NELFCD: variants seen among roughly 807,000 people sequenced by gnomAD.
The protein encoded by NELFCD is negative elongation factor complex member C/D, also known as negative elongation factor C/D.
Under a neutral mutation model 72.9 loss-of-function variants are expected in NELFCD, and 48 were observed. The observed-to-expected ratio is 0.66, with a 90% CI of 0.52 to 0.84. The LOEUF (loss-of-function observed/expected upper bound fraction) is 0.84, where lower values mean the gene tolerates loss of function less well. Ranked by LOEUF, NELFCD falls within the 40% of genes least tolerant of loss-of-function variation. The pLI is 0.00. For missense variants in NELFCD, 538 were observed against 723.8 expected (o/e 0.74, Z 2.94); for synonymous variants, 297 against 280.6 (o/e 1.06, Z -0.59).
intron 1 of NELFCD, among the ~76,000 whole-genome samples, chr20:58,984,964 T>G (rs1242894960): frequency 6.6e-6 from 1 of 152,210 alleles, no homozygotes; most frequent in Non-Finnish European, 1.5e-5. Context: ...TCCACAGCTT[T>G]TACTGGGAAG....
At position 58,993,583 on chromosome 20, in the gene NELFCD, G is replaced by A; in HGVS notation, c.1440+39G>A. 3 of 1,614,182 alleles carry A rather than the reference G, an allele frequency of 1.9e-6. No individual in the cohort carries two copies. Among genetic ancestry groups the A allele is most frequent in the Non-Finnish European group, 2.5e-6 (3 of 1,180,004 alleles). Reference sequence around the variant, plus strand: ...GTGGGGCTTGCCAGAGGGCTGAGGAGGACCCTCTCTAACCAGCTCCCTGTC... The same window carrying A: ...GTGGGGCTTGCCAGAGGGCTGAGGAAGACCCTCTCTAACCAGCTCCCTGTC... On this transcript the variant is annotated intron_variant, in intron 12 of 14. Coordinates refer to ENST00000652272, the MANE Select transcript of NELFCD (RefSeq NM_198976.4). The surrounding 1 kb of genome is among the most constrained non-coding windows in gnomAD (Gnocchi z 5.0).
chr20:58,985,210 G>A (rs1419509679), intron 1 of NELFCD, among the ~76,000 whole-genome samples: 1 of 152,154 alleles, frequency 6.6e-6, no homozygotes, highest in African/African-American at 2.4e-5. Context: ...GGCTGGATTC[G>A]GCTCTGGGTC....
chr20:58,992,983 C>G lies in NELFCD; in HGVS notation c.1230-15C>G. The G allele has an allele frequency of 3.8e-6, 6 of 1,578,022 alleles. No homozygotes were observed. Among genetic ancestry groups the G allele is most frequent in the Non-Finnish European group, 5.2e-6 (6 of 1,147,724 alleles). On this transcript the variant is annotated splice_polypyrimidine_tract_variant and intron_variant, in intron 10 of 14. Coordinates refer to ENST00000652272, the MANE Select transcript of NELFCD (RefSeq NM_198976.4). ...TAAATTGTTTTTTAAAGGAAGCATT[C>G]TGCCTTAACTGTAGGTTTCCAGTGG... is the stretch of plus-strand genomic sequence containing the variant.
In NELFCD at chr20:58,986,531, A is replaced by G; in HGVS notation, c.177-223A>G. 1.8e-6 allele frequency: 1 copy of G among 567,032 alleles called. No homozygotes were observed. The highest frequency in any genetic ancestry group is 2.1e-5 in the South Asian group (1 of 46,598). 35.1% of individuals were successfully genotyped at this position (567,032 alleles called of 1,614,324 possible). A position where few individuals can be genotyped will look rare whatever the true frequency, so the allele number is the denominator to read the frequency against. ...TTTTTGTTTTTGTTTTTTGGGAGAG[A>G]CAGGGCTCCTTACGTTGCCCTGGCT... is the stretch of plus-strand genomic sequence containing the variant. On this transcript the variant is annotated intron_variant, in intron 2 of 14. Transcript: ENST00000652272. This position sits in a 1 kb window ranked among gnomAD's most constrained non-coding sequence, Gnocchi z 4.4.
chr20:58,986,885 T>G lies in NELFCD; in HGVS notation c.286+22T>G. 6.6e-7 allele frequency: 1 copy of G among 1,510,782 alleles called. No homozygotes were observed. Among genetic ancestry groups the G allele is most frequent in the Non-Finnish European group, 9.1e-7 (1 of 1,093,880 alleles). 93.6% of individuals were successfully genotyped at this position (1,510,782 alleles called of 1,614,324 possible). A position where few individuals can be genotyped will look rare whatever the true frequency, so the allele number is the denominator to read the frequency against. ...ACAGGTGCTTTGTGGGTGTCCCCTG[T>G]CCTGGCTAGTTACCCCCACTTTTTT... On this transcript the variant is annotated intron_variant, in intron 3 of 14. Transcript: ENST00000652272. This position sits in a 1 kb window ranked among gnomAD's most constrained non-coding sequence, Gnocchi z 4.4.
chr20:58,988,796 T>G (rs1437356532), intron 4 of NELFCD, 118 bp from the exon 5 acceptor site: 1 of 701,428 alleles, frequency 1.4e-6, no homozygotes, highest in Admixed American at 2.4e-5. Context: ...CCCCCAGAAC[T>G]AGATGCCCAT....
At position 58,993,055 on chromosome 20, in the gene NELFCD, A is replaced by G; in HGVS notation, c.1287A>G (p.Pro429=). 1 of 1,614,164 alleles carries G rather than the reference A, an allele frequency of 6.2e-7. No individual in the cohort carries two copies. Among genetic ancestry groups the G allele is most frequent in the Non-Finnish European group, 8.5e-7 (1 of 1,180,024 alleles). Residue 429 remains proline, a synonymous_variant, in exon 11 of 15, where the codon CCA becomes CCG. Coordinates refer to ENST00000652272, the MANE Select transcript of NELFCD (RefSeq NM_198976.4). This position sits in a 1 kb window ranked among gnomAD's most constrained non-coding sequence, Gnocchi z 5.0. ...GGGTGGATTGGACTGTATCAGAACC[A>G]AGGTACTTTCAGCTGCAGACTGACC... ...LKWVDWTVSE[P]RYFQLQTDHT...
At position 58,989,522 on chromosome 20, in the gene NELFCD, C is replaced by T. The variant is rs2091797935; in HGVS notation, c.539C>T (p.Thr180Ile). 2 of 1,614,192 alleles carry T rather than the reference C, an allele frequency of 1.2e-6. No homozygotes were observed. Among genetic ancestry groups the T allele is most frequent in the East Asian group, 4.5e-5 (2 of 44,884 alleles). ...ISDAGYQGEI[T>I]SVSTACQQLE... Reference sequence around the variant, plus strand: ...GACGCAGGGTACCAGGGGGAGATCACCAGTGTGTCCACAGCATGCCAGCAG... The same window carrying T: ...GACGCAGGGTACCAGGGGGAGATCATCAGTGTGTCCACAGCATGCCAGCAG... The change falls in exon 6 of 15, where the codon ACC becomes ATC. Residue 180 changes from threonine (T) to isoleucine (I), a missense_variant. Coordinates refer to ENST00000652272, the MANE Select transcript of NELFCD (RefSeq NM_198976.4).
intron 1 of NELFCD, among the ~76,000 whole-genome samples, chr20:58,984,588 A>C (rs1362580522): frequency 1.3e-5 from 2 of 152,178 alleles, no homozygotes; most frequent in Non-Finnish European, 2.9e-5. Context: ...AGATATATGA[A>C]GGATACCTTT....
intron 6 of NELFCD, 75 bp from the exon 7 acceptor site, chr20:58,989,783 T>G (rs1426670030): frequency 6.2e-7 from 1 of 1,610,078 alleles, no homozygotes; most frequent in Non-Finnish European, 8.5e-7. Flanking sequence ...CCGAGCACGG[T>G]GGAGGCTTGG....
rs753587302 is a variant in NELFCD, at chr20:58,988,896, T to TTG, written c.397-8_397-7dup. The TTG allele has an allele frequency of 6.3e-7, 1 of 1,583,166 alleles. No individual in the cohort carries two copies. Among genetic ancestry groups the TTG allele is most frequent in the East Asian group, 2.2e-5 (1 of 44,708 alleles). ...GTGGGGCCTCCTCCTATCTTGCTGT[T>TTG]TGTGTGTGTGTTGGCAGACCCCAGC... On this transcript the variant is annotated splice_polypyrimidine_tract_variant and intron_variant, in intron 4 of 14. Coordinates refer to ENST00000652272, the MANE Select transcript of NELFCD (RefSeq NM_198976.4).
Position 58,993,596 on chromosome 20 carries a change from C to A in NELFCD, c.1441-28C>A. 2 of 1,614,176 alleles carry A rather than the reference C, an allele frequency of 1.2e-6. No individual in the cohort carries two copies. Among genetic ancestry groups the A allele is most frequent in the Non-Finnish European group, 1.7e-6 (2 of 1,180,002 alleles). On this transcript the variant is annotated intron_variant, in intron 12 of 14. Transcript: ENST00000652272. This position sits in a 1 kb window ranked among gnomAD's most constrained non-coding sequence, Gnocchi z 5.0. ...GAGGGCTGAGGAGGACCCTCTCTAA[C>A]CAGCTCCCTGTCCCCCTTCTTCTGT...
intron 4 of NELFCD, among the ~76,000 whole-genome samples, chr20:58,988,313 T>G (rs2091787238): frequency 6.6e-6 from 1 of 152,204 alleles, no homozygotes; most frequent in Non-Finnish European, 1.5e-5. Flanking sequence ...TTCCAGAACG[T>G]TCCAGCCATA....
chr20:58,984,081 C>T (rs927940110), intron 1 of NELFCD, among the ~76,000 whole-genome samples: 4 of 152,126 alleles, frequency 2.6e-5, no homozygotes, highest in African/African-American at 9.7e-5. Context: ...TTCTGTTCGC[C>T]TGATGCCATG....
chr20:58,989,937 G>C lies in NELFCD; in HGVS notation c.737G>C (p.Gly246Ala), dbSNP rs373372450. The change falls in exon 7 of 15, where the codon GGC (glycine) becomes GCC (alanine). Residue 246 changes from glycine to alanine, a missense_variant. By Grantham distance (60) the Gly-to-Ala change is moderately conservative. Around this residue, in one of 3 missense-constraint regions of NELFCD, gnomAD observed 355 missense variants for 534.5 expected, o/e 0.66. Coordinates refer to ENST00000652272, the MANE Select transcript of NELFCD (RefSeq NM_198976.4). Reference protein sequence around the residue: ...MSVLAQEEQGGSAVRRIAQEV... With the variant: ...MSVLAQEEQGASAVRRIAQEV... ...GTGCTGGCCCAGGAGGAGCAGGGGG[G>C]CTCCGCTGTGCGCAGGATCGCCCAG... 8.1e-6 allele frequency: 13 copies of C among 1,613,956 alleles called. No homozygotes were observed. The African/African-American group carries it at 1.2e-4, about 15-fold the overall frequency.
Position 58,994,252 on chromosome 20 carries a change from G to C in NELFCD, c.1711+13G>C, listed in dbSNP as rs745794700. ...ACGGAGTTTATAGGTGAGGCCGACT[G>C]CCTAGCCCTTTACTACAATAGAAAA... On this transcript the variant is annotated intron_variant, in intron 14 of 14. Transcript: ENST00000652272. 1.1e-5 allele frequency: 17 copies of C among 1,613,210 alleles called. No individual in the cohort carries two copies. Among genetic ancestry groups the C allele is most frequent in the Non-Finnish European group, 1.4e-5 (17 of 1,179,462 alleles).
At position 58,994,967 on chromosome 20, in the gene NELFCD, C is replaced by T. The variant is rs999813673; in HGVS notation, c.*291C>T. 2.3e-5 allele frequency: 8 copies of T among 352,684 alleles called. No individual in the cohort carries two copies. Among genetic ancestry groups the T allele is most frequent in the Non-Finnish European group, 4.1e-5 (8 of 196,048 alleles). The allele number at this position is 352,684 out of a possible 1,614,324, so 21.8% of individuals were successfully genotyped here. On this transcript the variant is annotated 3_prime_UTR_variant, in exon 15 of 15. Transcript: ENST00000652272. ...CACGACCCCTCAGGACAGATCTGGC[C>T]GTCAGCCGCGGGCCGCTGGGAACTC...
At chr20:58,985,021 T>C (rs1000431225) in intron 1 of NELFCD, among the ~76,000 whole-genome samples, 6 of 152,352 alleles carry the variant, frequency 3.9e-5, no homozygotes, top group Non-Finnish European at 7.3e-5. Context: ...AGGATCTTAG[T>C]CCAGATCAGG....
chr20:58,991,778 A>G, intron 9 of NELFCD, 103 bp from the exon 10 acceptor site: 3 of 1,360,838 alleles, frequency 2.2e-6, no homozygotes, highest in Non-Finnish European at 3.0e-6. Context: ...CAACTTAAGT[A>G]GAAATAGGGA....
Sources: allele counts gnomAD v4.1 joint callset (sites outside exome capture counted in the v4.1 genomes callset), GRCh38; gene constraint gnomAD v4.1.1; regional missense constraint gnomAD v4.1.1; non-coding constraint Gnocchi (gnomAD v3.1); transcripts MANE v1.5; gene names NCBI Gene and HGNC (gene_info 2026-07-23, HGNC 2026-07-21).